The following IL17RB variants were observed in gnomAD, a reference collection of about 807,000 sequenced individuals.
The protein encoded by IL17RB is interleukin 17 receptor B.
Under a neutral mutation model 43.9 loss-of-function variants are expected in IL17RB, and 36 were observed. The observed-to-expected ratio is 0.82, with a 90% CI of 0.63 to 1.08. IL17RB has a LOEUF of 1.08. IL17RB is among the 50% of genes least tolerant of loss of function. IL17RB has a pLI of 0.00. For missense variants in IL17RB, 613 were observed against 613.6 expected, an observed-to-expected ratio of 1.00 and a Z score of 0.01; for synonymous variants, 225 against 225.4, an observed-to-expected ratio of 1.00 and a Z score of 0.02.
chr3:53,848,736 A>G (rs1213140722), intron 2 of IL17RB, 48 bp downstream of exon 2: 1 of 1,600,338 alleles, frequency 6.2e-7, no homozygotes, highest in Non-Finnish European at 8.6e-7. Context: ...TTGAAAGCAC[A>G]GTTGGACTTT....
intron 8 of IL17RB, 78 bp downstream of exon 8, chr3:53,857,768 T>C: frequency 3.1e-6 from 4 of 1,287,706 alleles, no homozygotes; most frequent in Admixed American, 1.7e-5. Flanking sequence ...TAAGGATGAG[T>C]TCTCTCTTGT....
chr3:53,857,037 T>A, intron 7 of IL17RB, 51 bp downstream of exon 7: 1 of 1,592,684 alleles, frequency 6.3e-7, no homozygotes, highest in Non-Finnish European at 8.6e-7. Flanking sequence ...TTCCTTAGTG[T>A]GTTGAAGGAA....
intron 10 of IL17RB, chr3:53,860,579 T>C (rs1699527517): frequency 6.0e-6 from 1 of 167,652 alleles, no homozygotes; most frequent in African/African-American, 2.4e-5. Context: ...ATAGTTCTTA[T>C]GAGGTGTTAA....
At chr3:53,847,485 TA>T (rs11332832) in intron 1 of IL17RB, among the ~76,000 whole-genome samples, 75,896 of 140,702 alleles carry the variant, frequency 0.54, 21,357 homozygotes, top group South Asian at 0.66. Context: ...GCTCATTTGT[TA>T]AAAAAAAAAA....
chr3:53,861,679 T>G (rs893905870), intron 10 of IL17RB: 1 of 152,136 alleles, frequency 6.6e-6, no homozygotes, highest in Admixed American at 6.6e-5. Context: ...GTTTGATAAT[T>G]TTTAAAAGTG....
rs1436249006 is a variant in IL17RB at position 53,865,213 on chromosome 3, G to A, written c.1414G>A (p.Ala472Thr). Residue 472 changes from alanine to threonine, a missense_variant, in exon 11 of 11, where the codon GCC becomes ACC. Coordinates refer to ENST00000288167, the MANE Select transcript of IL17RB (RefSeq NM_018725.4). ...VCPKYHLMKD[A>T]TAFCAELLHV... is the part of the protein sequence containing the mutation. The stretch of plus-strand genomic sequence containing the variant: ...CCCCAAGTACCACCTCATGAAGGAT[G>A]CCACTGCTTTCTGTGCAGAACTTCT... The A allele has an allele frequency of 3.7e-6, 6 of 1,613,960 alleles. No homozygotes were observed. The highest frequency in any genetic ancestry group is 5.1e-6 in the Non-Finnish European group (6 of 1,180,028).
chr3:53,849,778 G>C lies in IL17RB; in HGVS notation c.209G>C (p.Trp70Ser). The C allele has an allele frequency of 6.2e-7, 1 of 1,603,278 alleles. No individual in the cohort carries two copies. The highest frequency in any genetic ancestry group is 8.5e-7 in the Non-Finnish European group (1 of 1,173,244). ...GDYSILMNVS[W>S]VLRADASIRL... ...TATTCAATTTTGATGAATGTAAGCT[G>C]GGTACTCCGGGCAGATGGTAAGTTT... The change falls in exon 3 of 11, where the codon TGG (tryptophan) becomes TCG (serine). Residue 70 changes from tryptophan (W) to serine (S), a missense_variant. Physicochemically the swap from Trp to Ser is radical, Grantham distance 177 (BLOSUM62 -3). Coordinates refer to ENST00000288167, the MANE Select transcript of IL17RB (RefSeq NM_018725.4).
Position 53,865,299 on chromosome 3 carries a change from C to T in IL17RB, c.1500C>T (p.Cys500=). The change falls in exon 11 of 11, where the codon TGC becomes TGT. Residue 500 remains cysteine (C), a synonymous_variant. Coordinates refer to ENST00000288167, the MANE Select transcript of IL17RB (RefSeq NM_018725.4). ...CACAAGCCTGCCACGATGGCTGCTG[C>T]TCCTTGTAGCCCACCCATGAGAAGC... ...KRSQACHDGC[C]SL is the part of the protein sequence containing the mutation. 6.2e-7 allele frequency: 1 copy of T among 1,602,580 alleles called. No individual in the cohort carries two copies. Among genetic ancestry groups the T allele is most frequent in the Non-Finnish European group, 8.5e-7 (1 of 1,178,540 alleles).
intron 10 of IL17RB, among the ~76,000 whole-genome samples, chr3:53,861,927 G>A (rs1376659270): frequency 6.6e-6 from 1 of 152,170 alleles, no homozygotes; most frequent in African/African-American, 2.4e-5. Context: ...AGGCTAACTG[G>A]ACTGCTTTGT....
At position 53,864,944 on chromosome 3, in the gene IL17RB, T is replaced by C. The variant is rs764783124; in HGVS notation, c.1145T>C (p.Leu382Pro). The change falls in exon 11 of 11, where the codon CTT becomes CCT. Residue 382 changes from leucine to proline, a missense_variant. By Grantham distance (98) the Leu-to-Pro change is moderately conservative (BLOSUM62 -3). Coordinates refer to ENST00000288167, the MANE Select transcript of IL17RB (RefSeq NM_018725.4). ...GCAGAGATGGGTCCAGTGCAGTGGC[T>C]TGCCACTCAAAAGAAGGCAGCAGAC... ...KIAEMGPVQW[L>P]ATQKKAADKV... The C allele has an allele frequency of 4.6e-5, 75 of 1,613,986 alleles. No individual in the cohort carries two copies. Among genetic ancestry groups the C allele is most frequent in the Non-Finnish European group, 6.1e-5 (72 of 1,179,952 alleles).
chr3:53,855,327 A>T lies in IL17RB; in HGVS notation c.515A>T (p.Lys172Met). ...GACCACATAATGAAATATAAAAAAA[A>T]GTGTGTCAAGGCCGGTAAGTAAATA... The part of the protein sequence containing the change: ...CLDHIMKYKK[K>M]CVKAGSLWDP... The change falls in exon 6 of 11, where the codon AAG (lysine) becomes ATG (methionine). Residue 172 changes from lysine to methionine, a missense_variant. Coordinates refer to ENST00000288167, the MANE Select transcript of IL17RB (RefSeq NM_018725.4). 1 of 1,606,434 alleles carries T rather than the reference A, an allele frequency of 6.2e-7. No homozygotes were observed. Among genetic ancestry groups the T allele is most frequent in the Non-Finnish European group, 8.5e-7 (1 of 1,174,224 alleles).
Position 53,860,191 on chromosome 3 carries a change from G to A in IL17RB, c.909G>A (p.Trp303Ter), listed in dbSNP as rs1387067652. Reference sequence around the variant, plus strand: ...TGCTGTCTCTGCTGGTGGCCACATGGGTGCTGGTGGCAGGGATCTATCTAA... The same window carrying A: ...TGCTGTCTCTGCTGGTGGCCACATGAGTGCTGGTGGCAGGGATCTATCTAA... ...LLLLSLLVAT[W>*]VLVAGIYLMW... Residue 303 changes from tryptophan to a stop codon, truncating the protein, a stop_gained, in exon 10 of 11, where the codon TGG becomes TGA. Transcript: ENST00000288167. LOFTEE classifies it low-confidence loss of function (END_TRUNC). The A allele has an allele frequency of 1.2e-6, 2 of 1,613,916 alleles. No homozygotes were observed. The highest frequency in any genetic ancestry group is 3.3e-5 in the Admixed American group (2 of 60,032).
In IL17RB at chr3:53,864,745, G is replaced by A. The variant is rs369279289; in HGVS notation, c.947-1G>A. On this transcript the variant is annotated splice_acceptor_variant, in intron 10 of 10. Coordinates refer to ENST00000288167, the MANE Select transcript of IL17RB (RefSeq NM_018725.4). LOFTEE classifies it high-confidence loss of function. ...TAACAAATGCTTTTCTCCTCTCACAGAAAGGATCAAGAAGACTTCCTTTTC... is the reference window on the plus strand; with the variant it reads ...TAACAAATGCTTTTCTCCTCTCACAAAAAGGATCAAGAAGACTTCCTTTTC... 8 of 1,598,092 alleles carry A rather than the reference G, an allele frequency of 5.0e-6. No homozygotes were observed. In the South Asian group the frequency reaches 7.8e-5, roughly 16 times the overall value.
chr3:53,852,549 G>C (rs1237341426), intron 4 of IL17RB, among the ~76,000 whole-genome samples: 1 of 152,224 alleles, frequency 6.6e-6, no homozygotes, highest in Non-Finnish European at 1.5e-5. Context: ...TCAGAGCTTA[G>C]AGCAAGATCC....
At chr3:53,856,276 T>C (rs1307158097) in intron 6 of IL17RB, among the ~76,000 whole-genome samples, 1 of 152,222 alleles carries the variant, frequency 6.6e-6, no homozygotes, top group East Asian at 1.9e-4. Flanking sequence ...CAGTCCTTAT[T>C]TGCAAGTCAC....
chr3:53,864,734 C>A lies in IL17RB; in HGVS notation c.947-12C>A. 1 of 1,577,544 alleles carries A rather than the reference C, an allele frequency of 6.3e-7. No individual in the cohort carries two copies. The highest frequency in any genetic ancestry group is 8.6e-7 in the Non-Finnish European group (1 of 1,159,712). On this transcript the variant is annotated splice_polypyrimidine_tract_variant and intron_variant, in intron 10 of 10. Coordinates refer to ENST00000288167, the MANE Select transcript of IL17RB (RefSeq NM_018725.4). ...CTGTTCACAGATAACAAATGCTTTT[C>A]TCCTCTCACAGAAAGGATCAAGAAG...
intron 4 of IL17RB, 48 bp from the exon 5 acceptor site, chr3:53,852,823 T>C: frequency 6.3e-7 from 1 of 1,593,848 alleles, no homozygotes; most frequent in Non-Finnish European, 8.6e-7. Context: ...ATACTGTTTC[T>C]GTACTGCAGT....
At position 53,857,691 on chromosome 3, in the gene IL17RB, G is replaced by C; in HGVS notation, c.747+1G>C. ...GGATAGTGAAGGTGCTACGGTGCAGGTAAAGTTCAGTGAGCTGCTCTGGGG... is the reference window on the plus strand; with the variant it reads ...GGATAGTGAAGGTGCTACGGTGCAGCTAAAGTTCAGTGAGCTGCTCTGGGG... On this transcript the variant is annotated splice_donor_variant, in intron 8 of 10. Transcript: ENST00000288167. LOFTEE classifies it high-confidence loss of function. The C allele has an allele frequency of 3.1e-6, 5 of 1,612,492 alleles. No homozygotes were observed. Among genetic ancestry groups the C allele is most frequent in the Non-Finnish European group, 4.2e-6 (5 of 1,178,466 alleles).
chr3:53,849,708 G>T lies in IL17RB; in HGVS notation c.139G>T (p.Asp47Tyr). ...TGATCTAATCCCCGGAGACTTGAGG[G>T]ACCTCCGAGTAGAACCTGTTACAAC... ...QHDLIPGDLRDLRVEPVTTSV... is the reference protein window; with the variant it reads ...QHDLIPGDLRYLRVEPVTTSV... Residue 47 changes from aspartate (D) to tyrosine (Y), a missense_variant, in exon 3 of 11, where the codon GAC (aspartate) becomes TAC (tyrosine). Coordinates refer to ENST00000288167, the MANE Select transcript of IL17RB (RefSeq NM_018725.4). 6.2e-7 allele frequency: 1 copy of T among 1,613,080 alleles called. No individual in the cohort carries two copies. Among genetic ancestry groups the T allele is most frequent in the South Asian group, 1.1e-5 (1 of 90,828 alleles).
Sources: allele counts gnomAD v4.1 joint callset (sites outside exome capture counted in the v4.1 genomes callset), GRCh38; gene constraint gnomAD v4.1.1; transcripts MANE v1.5; gene names NCBI Gene and HGNC (gene_info 2026-07-23, HGNC 2026-07-21).